Variants in CKLF observed in about 807,000 individuals in gnomAD.
CKLF encodes the protein chemokine-like factor.
CKLF carries 16 observed loss-of-function variants against 12.9 expected under a neutral mutation model. The ratio of observed to expected loss-of-function variants is 1.24; its 90% CI spans 0.84 to 1.88. The LOEUF is 1.88. Among genes scored for constraint, CKLF ranks in the 40% most tolerant of loss-of-function variants. The pLI, the probability that CKLF is intolerant of heterozygous loss-of-function variation, is 0.00. For missense variants in CKLF, 172 were observed against 188.5 expected (o/e 0.91, Z 0.51); for synonymous variants, 61 against 69.0 (o/e 0.88, Z 0.57).
chr16:66,563,044 T>C, intron 2 of CKLF, 78 bp from the exon 3 acceptor site: 1 of 1,554,312 alleles, frequency 6.4e-7, no homozygotes, highest in African/African-American at 1.4e-5. Flanking sequence ...TTGTTGTTGT[T>C]TTTTTGTTTT....
intron 1 of CKLF, 108 bp downstream of exon 1, chr16:66,552,901 G>C: frequency 6.6e-7 from 1 of 1,520,358 alleles, no homozygotes; most frequent in Non-Finnish European, 9.1e-7. Flanking sequence ...ACCTCGCTTT[G>C]ATCAAGATTG....
intron 1 of CKLF, among the ~76,000 whole-genome samples, 158 bp downstream of exon 1, chr16:66,552,951 A>G (rs1320136973): frequency 6.6e-6 from 1 of 152,162 alleles, no homozygotes; most frequent in Non-Finnish European, 1.5e-5. Flanking sequence ...AAGGAGAGAG[A>G]TACGGCACTG....
Position 66,563,119 on chromosome 16 carries a change from T to C in CKLF, c.238-3T>C. The C allele has an allele frequency of 6.2e-7, 1 of 1,614,110 alleles. No individual in the cohort carries two copies. The highest frequency in any genetic ancestry group is 8.5e-7 in the Non-Finnish European group (1 of 1,180,006). Reference sequence around the variant, plus strand: ...AAGGCTCAGCTTTATTGTGTGTTTTTAGGATATTATCAACTCACTGGTAAC... The same window carrying C: ...AAGGCTCAGCTTTATTGTGTGTTTTCAGGATATTATCAACTCACTGGTAAC... On this transcript the variant is annotated splice_polypyrimidine_tract_variant and splice_region_variant and intron_variant, in intron 2 of 3. Transcript: ENST00000264001.
intron 1 of CKLF, among the ~76,000 whole-genome samples, chr16:66,555,484 C>T (rs2144522236): frequency 6.6e-6 from 1 of 152,256 alleles, no homozygotes; most frequent in Non-Finnish European, 1.5e-5. Context: ...AAGAGGAGTC[C>T]AAGACAGCTT....
chr16:66,562,022 G>A (rs1430632002), intron 2 of CKLF, among the ~76,000 whole-genome samples: 1 of 152,028 alleles, frequency 6.6e-6, no homozygotes, highest in Non-Finnish European at 1.5e-5. Flanking sequence ...GCATAGAGAT[G>A]TCTGTGGGGG....
Position 66,552,906 on chromosome 16 carries a change from A to G in CKLF, c.78+113A>G, listed in dbSNP as rs532975515. 5.8e-5 allele frequency: 87 copies of G among 1,492,960 alleles called. 1 individual carries two copies. The South Asian group carries it at 9.5e-4, about 16-fold the overall frequency. 92.5% of individuals were successfully genotyped at this position (1,492,960 alleles called of 1,614,324 possible). ...TTGCTTTTCAACCTCGCTTTGATCA[A>G]GATTGAAAGGCAAGGCATGGCCTCC... On this transcript the variant is annotated intron_variant, in intron 1 of 3. Coordinates refer to ENST00000264001, the MANE Select transcript of CKLF (RefSeq NM_016951.4).
At chr16:66,563,826 T>C (rs924174348) in intron 3 of CKLF, among the ~76,000 whole-genome samples, 8 of 152,248 alleles carry the variant, frequency 5.3e-5, no homozygotes, top group Admixed American at 3.9e-4. Context: ...GTTATAGTTC[T>C]ATCTGATATT....
chr16:66,562,837 C>T (rs544405688), intron 2 of CKLF, among the ~76,000 whole-genome samples: 1 of 152,306 alleles, frequency 6.6e-6, no homozygotes, highest in African/African-American at 2.4e-5. Flanking sequence ...TTTTGTGCCT[C>T]AGCCTCCCGA....
chr16:66,563,792 C>A (rs2011924630), intron 3 of CKLF, among the ~76,000 whole-genome samples: 1 of 152,168 alleles, frequency 6.6e-6, no homozygotes, highest in Admixed American at 6.5e-5. Flanking sequence ...AGAAAGCAAG[C>A]CAGAATATGA....
At chr16:66,566,168 C>A (rs1201304193), downstream of CKLF, 4 of 1,570,722 alleles carry the variant, frequency 2.5e-6, no homozygotes, top group East Asian at 9.3e-5. This position sits in a 1 kb window ranked among gnomAD's most constrained non-coding sequence, Gnocchi z 4.9. Context: ...TCCAAGGGAG[C>A]GCTGGGAGCA....
intron 2 of CKLF, among the ~76,000 whole-genome samples, chr16:66,560,672 G>A (rs758380889): frequency 1.7e-4 from 26 of 151,920 alleles, no homozygotes; most frequent in Non-Finnish European, 3.7e-4. Flanking sequence ...ACTGGGAAAC[G>A]CCAACATATG....
At chr16:66,561,727 C>A (rs1045952071) in intron 2 of CKLF, among the ~76,000 whole-genome samples, 1 of 152,170 alleles carries the variant, frequency 6.6e-6, no homozygotes, top group East Asian at 1.9e-4. Context: ...TGCCCTACCC[C>A]CATTGAACCT....
intron 1 of CKLF, among the ~76,000 whole-genome samples, chr16:66,554,046 G>A (rs2011306403): frequency 6.6e-6 from 1 of 152,232 alleles, no homozygotes; most frequent in South Asian, 2.1e-4. Flanking sequence ...ACTGAAAAAG[G>A]AAAGATCTTG....
intron 1 of CKLF, among the ~76,000 whole-genome samples, chr16:66,557,694 A>G (rs2011502244): frequency 6.6e-6 from 1 of 152,216 alleles, no homozygotes; most frequent in South Asian, 2.1e-4. Flanking sequence ...GTGTGTGTGT[A>G]TTTTAAAAGA....
chr16:66,561,715 C>T (rs1022050865), intron 2 of CKLF, among the ~76,000 whole-genome samples: 3 of 152,186 alleles, frequency 2.0e-5, no homozygotes, highest in African/African-American at 7.2e-5. Context: ...TATATCTGAT[C>T]TTGCCCTACC....
chr16:66,552,936 G>A (rs1965863652), intron 1 of CKLF, 143 bp downstream of exon 1: 5 of 1,163,940 alleles, frequency 4.3e-6, no homozygotes, highest in Non-Finnish European at 6.2e-6. Flanking sequence ...GCCTCCTTGG[G>A]GAAGAAGGAG....
chr16:66,555,651 A>G (rs1184106765), intron 1 of CKLF, among the ~76,000 whole-genome samples: 5 of 152,240 alleles, frequency 3.3e-5, no homozygotes, highest in Non-Finnish European at 7.3e-5. Flanking sequence ...ACAGGAGCCA[A>G]ATTGTGGAAG....
chr16:66,561,284 C>T (rs1195811656), intron 2 of CKLF, among the ~76,000 whole-genome samples: 2 of 151,368 alleles, frequency 1.3e-5, no homozygotes, highest in African/African-American at 4.9e-5. Context: ...CCCCAAATGA[C>T]AGAAAACACA....
At chr16:66,557,082 TC>T (rs375071989) in intron 1 of CKLF, among the ~76,000 whole-genome samples, 42 of 152,312 alleles carry the variant, frequency 2.8e-4, no homozygotes, top group African/African-American at 9.9e-4. Context: ...TAGCATAGAT[TC>T]TGATTGCATT....
Sources: allele counts gnomAD v4.1 joint callset (sites outside exome capture counted in the v4.1 genomes callset), GRCh38; gene constraint gnomAD v4.1.1; non-coding constraint Gnocchi (gnomAD v3.1); transcripts MANE v1.5; gene names NCBI Gene and HGNC (gene_info 2026-07-23, HGNC 2026-07-21).